PURB: variants seen among roughly 807,000 people sequenced by gnomAD.
The protein encoded by PURB is purine rich element binding protein B, also known as transcriptional regulator protein Pur-beta.
In PURB, 11 loss-of-function variants were observed where a neutral mutation model predicts 21.1. The observed-to-expected ratio is 0.52, with a 90% CI of 0.33 to 0.86. The LOEUF (loss-of-function observed/expected upper bound fraction) is 0.86, where lower values mean the gene tolerates loss of function less well. Among genes scored for constraint, PURB ranks in the 40% least tolerant of loss-of-function variants. PURB has a pLI of 0.02. For missense variants in PURB, 357 were observed against 456.5 expected (o/e 0.78, Z 1.99); for synonymous variants, 246 against 210.8 (o/e 1.17, Z -1.45).
Position 44,885,097 on chromosome 7 carries a change from G to C in PURB, c.252C>G (p.Arg84=), listed in dbSNP as rs753049146. Residue 84 remains arginine (R), a synonymous_variant, in exon 1 of 1, where the codon CGC becomes CGG. Coordinates refer to ENST00000395699, the MANE Select transcript of PURB (RefSeq NM_033224.5). The part of the protein sequence containing the change: ...TLSMAVAAEF[R]DSLGDFIEHY... ...GTTCTATGAAGTCGCCCAGCGAGTC[G>C]CGGAACTCGGCGGCCACCGCCATGG... 1.3e-6 allele frequency: 2 copies of C among 1,573,754 alleles called. No homozygotes were observed. The highest frequency in any genetic ancestry group is 2.4e-5 in the East Asian group (1 of 41,586).
In PURB at chr7:44,883,072, C is replaced by A. The variant is rs972690714; in HGVS notation, c.*1338G>T. ...TTCACGTTCACTTCAGTTCCATTCACAGATGGATTTCAGCTTCCACCGGGT... is the reference window on the plus strand; with the variant it reads ...TTCACGTTCACTTCAGTTCCATTCAAAGATGGATTTCAGCTTCCACCGGGT... On this transcript the variant is annotated 3_prime_UTR_variant, in exon 1 of 1. Transcript: ENST00000395699. The A allele has an allele frequency of 1.3e-5, 2 of 152,592 alleles. No homozygotes were observed. Among genetic ancestry groups the A allele is most frequent in the African/African-American group, 4.8e-5 (2 of 41,440 alleles). 9.5% of individuals were successfully genotyped at this position (152,592 alleles called of 1,614,324 possible).
rs894790249 is a variant in PURB, at chr7:44,878,490, T to C, written c.*5920A>G. 2 of 152,566 alleles carry C rather than the reference T, an allele frequency of 1.3e-5. No individual in the cohort carries two copies. Among genetic ancestry groups the C allele is most frequent in the South Asian group, 2.1e-4 (1 of 4,828 alleles). 9.5% of individuals were successfully genotyped at this position (152,566 alleles called of 1,614,324 possible). ...AGCTCTGCTCTTATTAGAAATCATA[T>C]TGAGCAGTGAAACTACCAATATGGC... is the stretch of plus-strand genomic sequence containing the variant. On this transcript the variant is annotated 3_prime_UTR_variant, in exon 1 of 1. Transcript: ENST00000395699.
In PURB at chr7:44,877,036, C is replaced by G. The variant is rs1793810667; in HGVS notation, c.*7374G>C. 6.6e-6 allele frequency: 1 copy of G among 152,570 alleles called. No homozygotes were observed. The highest frequency in any genetic ancestry group is 2.4e-5 in the African/African-American group (1 of 41,444). The allele number at this position is 152,570 out of a possible 1,614,324, so 9.5% of individuals were successfully genotyped here. A position where few individuals can be genotyped will look rare whatever the true frequency, so the allele number is the denominator to read the frequency against. On this transcript the variant is annotated 3_prime_UTR_variant, in exon 1 of 1. Transcript: ENST00000395699. ...TTTAAAGTAATTTCCAACCTAAACT[C>G]TAATTGTACATCTAGATCAGGAAGC...
In PURB at chr7:44,878,104, G is replaced by A. The variant is rs1793826116; in HGVS notation, c.*6306C>T. 1 of 152,236 alleles carries A rather than the reference G, an allele frequency of 6.6e-6. No individual in the cohort carries two copies. The highest frequency in any genetic ancestry group is 1.5e-5 in the Non-Finnish European group (1 of 68,018). The allele number at this position is 152,236 out of a possible 1,614,324, so 9.4% of individuals were successfully genotyped here. ...GCAACTCAGAGTTAAGACTGGGGAC[G>A]AAATATTTGGCTTTAAGAAATAAGA... On this transcript the variant is annotated 3_prime_UTR_variant, in exon 1 of 1. Coordinates refer to ENST00000395699, the MANE Select transcript of PURB (RefSeq NM_033224.5).
rs1248901607 is a variant in PURB, at chr7:44,877,679, T to A, written c.*6731A>T. 1 of 152,146 alleles carries A rather than the reference T, an allele frequency of 6.6e-6. No homozygotes were observed. Among genetic ancestry groups the A allele is most frequent in the Non-Finnish European group, 1.5e-5 (1 of 68,074 alleles). The allele number at this position is 152,146 out of a possible 1,614,324, so 9.4% of individuals were successfully genotyped here. On this transcript the variant is annotated 3_prime_UTR_variant, in exon 1 of 1. Coordinates refer to ENST00000395699, the MANE Select transcript of PURB (RefSeq NM_033224.5). Reference sequence around the variant, plus strand: ...ATTAGCTGGGCATGGTGGCACATGCTTGTAATCCCAGCTACTTGGGAGGCT... The same window carrying A: ...ATTAGCTGGGCATGGTGGCACATGCATGTAATCCCAGCTACTTGGGAGGCT...
rs1793911345 is a variant in PURB at position 44,883,603 on chromosome 7, C to T, written c.*807G>A. The T allele has an allele frequency of 6.6e-6, 1 of 152,630 alleles. No individual in the cohort carries two copies. The highest frequency in any genetic ancestry group is 6.5e-5 in the Admixed American group (1 of 15,282). 9.5% of individuals were successfully genotyped at this position (152,630 alleles called of 1,614,324 possible). A position where few individuals can be genotyped will look rare whatever the true frequency, so the allele number is the denominator to read the frequency against. On this transcript the variant is annotated 3_prime_UTR_variant, in exon 1 of 1. Coordinates refer to ENST00000395699, the MANE Select transcript of PURB (RefSeq NM_033224.5). ...TACCTCAGCAACCCCCAATGTAAAA[C>T]TGCTTTTATCTTTGAAAATTTTTTG...
At position 44,883,937 on chromosome 7, in the gene PURB, C is replaced by A; in HGVS notation, c.*473G>T. ...TCCATGAAGACCTAGATCCAAAATG[C>A]TGATTTCAATGGAGGTGAAGGGATA... is the stretch of plus-strand genomic sequence containing the variant. On this transcript the variant is annotated 3_prime_UTR_variant, in exon 1 of 1. Transcript: ENST00000395699. The A allele has an allele frequency of 6.3e-6, 1 of 158,316 alleles. No individual in the cohort carries two copies. Among genetic ancestry groups the A allele is most frequent in the Non-Finnish European group, 1.4e-5 (1 of 71,932 alleles). The allele number at this position is 158,316 out of a possible 1,614,324, so 9.8% of individuals were successfully genotyped here.
rs1583743711 is a variant in PURB at position 44,880,628 on chromosome 7, T to C, written c.*3782A>G. ...AGGGCATTATTATAACCAGCCTCTTTTGCCCACAACCCTGCATCTTCAGAT... is the reference window on the plus strand; with the variant it reads ...AGGGCATTATTATAACCAGCCTCTTCTGCCCACAACCCTGCATCTTCAGAT... On this transcript the variant is annotated 3_prime_UTR_variant, in exon 1 of 1. Transcript: ENST00000395699. The C allele has an allele frequency of 6.6e-6, 1 of 152,628 alleles. No individual in the cohort carries two copies. Among genetic ancestry groups the C allele is most frequent in the African/African-American group, 2.4e-5 (1 of 41,442 alleles). 9.5% of individuals were successfully genotyped at this position (152,628 alleles called of 1,614,324 possible).
chr7:44,882,889 A>G lies in PURB; in HGVS notation c.*1521T>C, dbSNP rs1793898526. 6.6e-6 allele frequency: 1 copy of G among 152,240 alleles called. No homozygotes were observed. The highest frequency in any genetic ancestry group is 2.1e-4 in the South Asian group (1 of 4,832). 9.4% of individuals were successfully genotyped at this position (152,240 alleles called of 1,614,324 possible). A position where few individuals can be genotyped will look rare whatever the true frequency, so the allele number is the denominator to read the frequency against. On this transcript the variant is annotated 3_prime_UTR_variant, in exon 1 of 1. Coordinates refer to ENST00000395699, the MANE Select transcript of PURB (RefSeq NM_033224.5). Reference sequence around the variant, plus strand: ...ATGGGGTGGGATTAACTTGATTAGTAAAAATCATTTCTACTGAAAATCCAT... The same window carrying G: ...ATGGGGTGGGATTAACTTGATTAGTGAAAATCATTTCTACTGAAAATCCAT...
At position 44,878,467 on chromosome 7, in the gene PURB, C is replaced by T. The variant is rs1274323997; in HGVS notation, c.*5943G>A. ...AAATGAGTTTTAGCTTCCAATAAAG[C>T]TCTGCTCTTATTAGAAATCATATTG... On this transcript the variant is annotated 3_prime_UTR_variant, in exon 1 of 1. Transcript: ENST00000395699. 2 of 152,264 alleles carry T rather than the reference C, an allele frequency of 1.3e-5. No homozygotes were observed. Among genetic ancestry groups the T allele is most frequent in the East Asian group, 3.9e-4 (2 of 5,192 alleles). The allele number at this position is 152,264 out of a possible 1,614,324, so 9.4% of individuals were successfully genotyped here. A position where few individuals can be genotyped will look rare whatever the true frequency, so the allele number is the denominator to read the frequency against.
rs1484570831 is a variant in PURB at position 44,882,132 on chromosome 7, A to ATTT, written c.*2277_*2278insAAA. 16 of 152,720 alleles carry ATTT rather than the reference A, an allele frequency of 1.0e-4. No individual in the cohort carries two copies. Among genetic ancestry groups the ATTT allele is most frequent in the African/African-American group, 3.6e-4 (15 of 41,582 alleles). The allele number at this position is 152,720 out of a possible 1,614,324, so 9.5% of individuals were successfully genotyped here. On this transcript the variant is annotated 3_prime_UTR_variant, in exon 1 of 1. Coordinates refer to ENST00000395699, the MANE Select transcript of PURB (RefSeq NM_033224.5). ...GCTGCCTCAGAGTTGAAACTTAAAT[A>ATTT]GTTTCTGCAAACCTAATGCTAGCTT... is the stretch of plus-strand genomic sequence containing the variant.
Position 44,885,320 on chromosome 7 carries a change from C to CCGCGGGACGCGGGCTGGAACCCGCACG in PURB, c.28_29insCGTGCGGGTTCCAGCCCGCGTCCCGCG (p.Arg10delinsProCysGlyPheGlnProAlaSerArgGly). Reference sequence around the variant, plus strand: ...CCCGCACGGCCCACCGCCGCCGCCGCGCTCGCTGCCGCTGTCGCCGTCCGC... The same window carrying CCGCGGGACGCGGGCTGGAACCCGCACG: ...CCCGCACGGCCCACCGCCGCCGCCGCCGCGGGACGCGGGCTGGAACCCGCACGGCTCGCTGCCGCTGTCGCCGTCCGC... On this transcript the variant is annotated protein_altering_variant, in exon 1 of 1. Coordinates refer to ENST00000395699, the MANE Select transcript of PURB (RefSeq NM_033224.5). The CCGCGGGACGCGGGCTGGAACCCGCACG allele has an allele frequency of 7.6e-7, 1 of 1,321,714 alleles. No individual in the cohort carries two copies. The highest frequency in any genetic ancestry group is 9.6e-7 in the Non-Finnish European group (1 of 1,041,180). The allele number at this position is 1,321,714 out of a possible 1,614,324, so 81.9% of individuals were successfully genotyped here. A position where few individuals can be genotyped will look rare whatever the true frequency, so the allele number is the denominator to read the frequency against.
chr7:44,883,668 G>T lies in PURB; in HGVS notation c.*742C>A, dbSNP rs955131095. The T allele has an allele frequency of 6.6e-6, 1 of 152,572 alleles. No homozygotes were observed. The highest frequency in any genetic ancestry group is 1.5e-5 in the Non-Finnish European group (1 of 68,040). The allele number at this position is 152,572 out of a possible 1,614,324, so 9.5% of individuals were successfully genotyped here. A position where few individuals can be genotyped will look rare whatever the true frequency, so the allele number is the denominator to read the frequency against. ...ATTTTAGTAACGGATTCTACTCCAA[G>T]CATTGCTATCTGAATCCACTGGCAT... On this transcript the variant is annotated 3_prime_UTR_variant, in exon 1 of 1. Coordinates refer to ENST00000395699, the MANE Select transcript of PURB (RefSeq NM_033224.5).
In PURB at chr7:44,879,264, T is replaced by A. The variant is rs1793842296; in HGVS notation, c.*5146A>T. On this transcript the variant is annotated 3_prime_UTR_variant, in exon 1 of 1. Transcript: ENST00000395699. The stretch of plus-strand genomic sequence containing the variant: ...CCATGTTGTCCAGGCTGACCTGAAC[T>A]GACCCGCCCACCTCAGCCTCCCAGA... 6.6e-6 allele frequency: 1 copy of A among 152,116 alleles called. No homozygotes were observed. Among genetic ancestry groups the A allele is most frequent in the Non-Finnish European group, 1.5e-5 (1 of 68,084 alleles). The allele number at this position is 152,116 out of a possible 1,614,324, so 9.4% of individuals were successfully genotyped here.
rs770444761 is a variant in PURB at position 44,884,911 on chromosome 7, G to A, written c.438C>T (p.Ile146=). ...CACCGCCGCGGTTGACCGTTTGGCG[G>A]ATGCGCAGGAAGCGGCCGCGCTGGT... ...KENQRGRFLR[I]RQTVNRGGGG... The change falls in exon 1 of 1, where the codon ATC becomes ATT. Residue 146 remains isoleucine (I), a synonymous_variant. Coordinates refer to ENST00000395699, the MANE Select transcript of PURB (RefSeq NM_033224.5). 13 of 1,578,954 alleles carry A rather than the reference G, an allele frequency of 8.2e-6. No homozygotes were observed. The Admixed American group carries it at 1.8e-4, about 22-fold the overall frequency.
Position 44,882,370 on chromosome 7 carries a change from T to C in PURB, c.*2040A>G, listed in dbSNP as rs1793889736. The C allele has an allele frequency of 6.6e-6, 1 of 152,598 alleles. No individual in the cohort carries two copies. Among genetic ancestry groups the C allele is most frequent in the Non-Finnish European group, 1.5e-5 (1 of 68,024 alleles). The allele number at this position is 152,598 out of a possible 1,614,324, so 9.5% of individuals were successfully genotyped here. On this transcript the variant is annotated 3_prime_UTR_variant, in exon 1 of 1. Coordinates refer to ENST00000395699, the MANE Select transcript of PURB (RefSeq NM_033224.5). The stretch of plus-strand genomic sequence containing the variant: ...ACATTCTTTGCAACGGAGAAAAATT[T>C]AAAAGAAAAGCTTTAAAAAAATCTG...
chr7:44,885,235 C>A lies in PURB; in HGVS notation c.114G>T (p.Arg38=), dbSNP rs1340933930. The change falls in exon 1 of 1, where the codon CGG becomes CGT. Residue 38 remains arginine, a synonymous_variant. Coordinates refer to ENST00000395699, the MANE Select transcript of PURB (RefSeq NM_033224.5). The part of the protein sequence containing the change: ...EQETQELASK[R]LDIQNKRFYL... ...AGAAGCGCTTGTTCTGGATGTCCAG[C>A]CGCTTCGAGGCCAGCTCCTGCGTCT... 4 of 1,569,192 alleles carry A rather than the reference C, an allele frequency of 2.5e-6. No individual in the cohort carries two copies. The highest frequency in any genetic ancestry group is 1.7e-6 in the Non-Finnish European group (2 of 1,164,550).
rs772781714 is a variant in PURB, at chr7:44,884,719, G to A, written c.630C>T (p.Gly210=). 8 of 1,612,618 alleles carry A rather than the reference G, an allele frequency of 5.0e-6. No homozygotes were observed. In the South Asian group the frequency reaches 5.5e-5, roughly 11 times the overall value. ...GCTCTCCATACAGGCCGCCCCCTGGGCCCCCGGCGCCGCCTCCCGGGCCGC... is the reference window on the plus strand; with the variant it reads ...GCTCTCCATACAGGCCGCCCCCTGGACCCCCGGCGCCGCCTCCCGGGCCGC... The part of the protein sequence containing the change: ...LAGGPGGGAG[G]PGGGLYGELP... Residue 210 remains glycine (G), a synonymous_variant, in exon 1 of 1, where the codon GGC becomes GGT. Transcript: ENST00000395699.
At position 44,882,922 on chromosome 7, in the gene PURB, A is replaced by G. The variant is rs376528233; in HGVS notation, c.*1488T>C. 1 of 152,264 alleles carries G rather than the reference A, an allele frequency of 6.6e-6. No individual in the cohort carries two copies. Among genetic ancestry groups the G allele is most frequent in the Non-Finnish European group, 1.5e-5 (1 of 68,046 alleles). The allele number at this position is 152,264 out of a possible 1,614,324, so 9.4% of individuals were successfully genotyped here. ...TTTCTACTGAAAATCCATTTAAAAT[A>G]TAGAAGAGGCGATCCTTGAAAACCC... On this transcript the variant is annotated 3_prime_UTR_variant, in exon 1 of 1. Coordinates refer to ENST00000395699, the MANE Select transcript of PURB (RefSeq NM_033224.5).
Sources: gnomAD v4.1 joint callset for allele counts on GRCh38, gnomAD v4.1.1 for gene constraint, MANE v1.5 for transcripts, NCBI Gene and HGNC (gene_info 2026-07-23, HGNC 2026-07-21) for gene names.